The following CDKAL1 variants were observed in gnomAD, a reference collection of about 807,000 sequenced individuals.
The protein encoded by CDKAL1 is threonylcarbamoyladenosine tRNA methylthiotransferase.
Under a neutral mutation model 68.2 loss-of-function variants are expected in CDKAL1, and 32 were observed. The ratio of observed to expected loss-of-function variants is 0.47; its 90% CI spans 0.35 to 0.63. CDKAL1 has a LOEUF of 0.63. CDKAL1 is among the 30% of genes least tolerant of loss of function. The probability of loss-of-function intolerance (pLI) is 0.00; values close to 1 mark genes in which losing one functional copy is unlikely to be tolerated. For synonymous variants in CDKAL1, 234 were observed against 244.3 expected, an observed-to-expected ratio of 0.96 and a Z score of 0.39; for missense variants, 606 against 696.7, an observed-to-expected ratio of 0.87 and a Z score of 1.47.
intron 15 of CDKAL1, among the ~76,000 whole-genome samples, chr6:21,225,317 A>C (rs1309284328): frequency 6.6e-6 from 1 of 151,966 alleles, no homozygotes; most frequent in Non-Finnish European, 1.5e-5. Flanking sequence ...CAGGAGGTGC[A>C]CTCCACCGGC....
intron 13 of CDKAL1, among the ~76,000 whole-genome samples, chr6:21,141,362 G>A (rs903220463): frequency 6.6e-6 from 1 of 152,204 alleles, no homozygotes; most frequent in Non-Finnish European, 1.5e-5. Flanking sequence ...CCTGGAATAT[G>A]TGGCATCTTT....
intron 5 of CDKAL1, among the ~76,000 whole-genome samples, chr6:20,690,744 A>G (rs1426504349): frequency 1.3e-5 from 2 of 152,178 alleles, no homozygotes; most frequent in Non-Finnish European, 2.9e-5. Context: ...AGAATTAGCT[A>G]TAAGGGAACT....
chr6:21,059,178 A>G (rs1424089138), intron 11 of CDKAL1, among the ~76,000 whole-genome samples: 1 of 152,186 alleles, frequency 6.6e-6, no homozygotes, highest in Non-Finnish European at 1.5e-5. Flanking sequence ...CACCTAAAGA[A>G]GCAGTCTGGC....
chr6:21,064,546 T>G (rs1363926685), intron 11 of CDKAL1, among the ~76,000 whole-genome samples: 1 of 152,186 alleles, frequency 6.6e-6, no homozygotes, highest in Non-Finnish European at 1.5e-5. Flanking sequence ...GAGAAGCAAT[T>G]ATTAACTCTA....
intron 8 of CDKAL1, among the ~76,000 whole-genome samples, chr6:20,815,149 C>G (rs1240690322): frequency 6.6e-6 from 1 of 152,140 alleles, no homozygotes; most frequent in Middle Eastern, 3.2e-3. Context: ...TGGCCAGAAG[C>G]AAAAGTCTTC....
chr6:20,711,516 A>ATG (rs1771845537), intron 5 of CDKAL1, among the ~76,000 whole-genome samples: 1 of 152,350 alleles, frequency 6.6e-6, no homozygotes, highest in African/African-American at 2.4e-5. Flanking sequence ...TGCTGGAGTC[A>ATG]AACAGAGGCA....
intron 13 of CDKAL1, among the ~76,000 whole-genome samples, chr6:21,194,025 C>G (rs1273922283): frequency 6.6e-6 from 1 of 152,202 alleles, no homozygotes; most frequent in Non-Finnish European, 1.5e-5. Context: ...AGCAGAAGGG[C>G]TTTCAAAGAG....
chr6:21,015,171 A>T (rs1768256252), intron 11 of CDKAL1, among the ~76,000 whole-genome samples: 1 of 152,224 alleles, frequency 6.6e-6, no homozygotes, highest in African/African-American at 2.4e-5. Flanking sequence ...AACAAAAGAG[A>T]TGGAGAGGAG....
chr6:20,923,073 T>G (rs1763027579), intron 9 of CDKAL1, among the ~76,000 whole-genome samples: 1 of 151,570 alleles, frequency 6.6e-6, no homozygotes, highest in African/African-American at 2.4e-5. Context: ...GCATATAAAG[T>G]CTTCTCTCTC....
intron 8 of CDKAL1, among the ~76,000 whole-genome samples, chr6:20,815,949 G>A (rs554129995): frequency 2.6e-5 from 4 of 152,206 alleles, no homozygotes; most frequent in East Asian, 1.9e-4. Flanking sequence ...CCAGAAACCC[G>A]AAATCAAGGT....
intron 12 of CDKAL1, among the ~76,000 whole-genome samples, chr6:21,104,806 A>T (rs1773766408): frequency 6.6e-6 from 1 of 152,212 alleles, no homozygotes; most frequent in Non-Finnish European, 1.5e-5. Flanking sequence ...TTCTTTCCCA[A>T]AATCGAGATA....
intron 9 of CDKAL1, among the ~76,000 whole-genome samples, chr6:20,857,722 G>C (rs1415691938): frequency 6.6e-6 from 1 of 152,116 alleles, no homozygotes; most frequent in Non-Finnish European, 1.5e-5. Context: ...CAAAACATTT[G>C]ATCAAAGTAG....
intron 8 of CDKAL1, among the ~76,000 whole-genome samples, chr6:20,809,001 C>A (rs1776684069): frequency 6.6e-6 from 1 of 152,098 alleles, no homozygotes; most frequent in South Asian, 2.1e-4. Context: ...TGAAGTAAAT[C>A]TTTTTTGAAG....
rs138839308 is a variant in CDKAL1, at chr6:21,007,357, C to T, written c.1055+6985C>T. Among the ~76,000 whole-genome samples, 456 of 151,548 alleles carry T rather than the reference C, an allele frequency of 3.0e-3. 1 individual carries two copies. The highest frequency in any genetic ancestry group is 0.01 in the African/African-American group (430 of 41,302). On this transcript the variant is annotated intron_variant, in intron 11 of 15. Coordinates refer to ENST00000274695, the MANE Select transcript of CDKAL1 (RefSeq NM_017774.3). ...AGGTGGGAGGATCCTGGGAGGCACTCGCCTATAGTCCCAAGTAGTCGCAGC... is the reference window on the plus strand; with the variant it reads ...AGGTGGGAGGATCCTGGGAGGCACTTGCCTATAGTCCCAAGTAGTCGCAGC...
In CDKAL1 at chr6:21,072,143, C is replaced by CT. The variant is rs539026767; in HGVS notation, c.1236+6916dup. ...TTTTCTTTATGGCAGATCTTCAACT[C>CT]TAATTTTTGTATCTCACGCTCATGA... is the stretch of plus-strand genomic sequence containing the variant. On this transcript the variant is annotated intron_variant, in intron 12 of 15. Coordinates refer to ENST00000274695, the MANE Select transcript of CDKAL1 (RefSeq NM_017774.3). Among the ~76,000 whole-genome samples the CT allele has an allele frequency of 1.4e-4, 22 of 152,302 alleles. 1 individual carries two copies. The South Asian group carries it at 3.7e-3, about 26-fold the overall frequency.
intron 9 of CDKAL1, among the ~76,000 whole-genome samples, chr6:20,857,432 G>A (rs1022450010): frequency 6.6e-6 from 1 of 152,218 alleles, no homozygotes; most frequent in African/African-American, 2.4e-5. Flanking sequence ...AGTTAAGGAA[G>A]AGGAATGATG....
chr6:21,068,158 C>T (rs1771563008), intron 12 of CDKAL1, among the ~76,000 whole-genome samples: 1 of 152,146 alleles, frequency 6.6e-6, no homozygotes, highest in Non-Finnish European at 1.5e-5. Flanking sequence ...TTCTTCCATT[C>T]TGTAACCTAC....
intron 9 of CDKAL1, among the ~76,000 whole-genome samples, chr6:20,931,209 A>G (rs919364463): frequency 6.6e-6 from 1 of 152,196 alleles, no homozygotes; most frequent in Non-Finnish European, 1.5e-5. Context: ...TGTACATTTA[A>G]TGATATATAT....
chr6:20,916,783 A>G (rs1267530621), intron 9 of CDKAL1, among the ~76,000 whole-genome samples: 2 of 152,196 alleles, frequency 1.3e-5, no homozygotes, highest in Non-Finnish European at 2.9e-5. Context: ...TATTGCTTCT[A>G]CCATCTCCTT....
Sources: allele counts gnomAD v4.1 joint callset (sites outside exome capture counted in the v4.1 genomes callset), GRCh38; gene constraint gnomAD v4.1.1; transcripts MANE v1.5; gene names NCBI Gene and HGNC (gene_info 2026-07-23, HGNC 2026-07-21).